Variants in MYO5A observed in about 807,000 individuals in gnomAD.
The protein encoded by MYO5A is unconventional myosin-Va.
MYO5A carries 98 observed loss-of-function variants against 249.7 expected under a neutral mutation model. The ratio of observed to expected loss-of-function variants is 0.39; its 90% CI spans 0.33 to 0.46. The LOEUF (loss-of-function observed/expected upper bound fraction) is 0.46. Among genes scored for constraint, MYO5A ranks in the 20% least tolerant of loss-of-function variants. The probability of loss-of-function intolerance (pLI) is 0.98; values close to 1 mark genes in which losing one functional copy is unlikely to be tolerated. For missense variants in MYO5A, 1,696 were observed against 2,308.8 expected, an observed-to-expected ratio of 0.73 and a Z score of 5.44; for synonymous variants, 778 against 810.6, an observed-to-expected ratio of 0.96 and a Z score of 0.68.
intron 1 of MYO5A, among the ~76,000 whole-genome samples, chr15:52,477,996 C>A (rs1439191476): frequency 6.6e-6 from 1 of 152,236 alleles, no homozygotes; most frequent in Non-Finnish European, 1.5e-5. Context: ...TTCAGCTATG[C>A]CCTGCCCCCA....
chr15:52,457,394 C>G (rs539964500), intron 1 of MYO5A, among the ~76,000 whole-genome samples: 1 of 143,028 alleles, frequency 7.0e-6, no homozygotes, highest in Admixed American at 7.4e-5. Context: ...CTGCACCAGC[C>G]TAAGTGACAG....
intron 1 of MYO5A, among the ~76,000 whole-genome samples, chr15:52,466,770 G>A (rs2076362506): frequency 6.6e-6 from 1 of 152,188 alleles, no homozygotes; most frequent in Non-Finnish European, 1.5e-5. Context: ...AAGATAGGGT[G>A]CAGGATCCAG....
chr15:52,342,619 AAAG>A (rs915776701), intron 31 of MYO5A, among the ~76,000 whole-genome samples: 1 of 152,188 alleles, frequency 6.6e-6, no homozygotes, highest in African/African-American at 2.4e-5. Flanking sequence ...GAAGGTTTTT[AAAG>A]AAGGTGTTTG....
chr15:52,399,151 T>A lies in MYO5A; in HGVS notation c.1054-1685A>T, dbSNP rs79569567. 9.5e-4 allele frequency among the ~76,000 whole-genome samples: 144 copies of A among 152,336 alleles called. 2 individuals are homozygous for A. The East Asian group carries it at 0.021, about 22-fold the overall frequency. ...AGCTTTACTCATTTTGGACTTCACC[T>A]ATCAATAATTAAGAGAAGTCAATAA... On this transcript the variant is annotated intron_variant, in intron 9 of 41. Transcript: ENST00000399233.
intron 36 of MYO5A, among the ~76,000 whole-genome samples, chr15:52,325,125 C>T (rs193155217): frequency 1.3e-4 from 20 of 152,288 alleles, no homozygotes; most frequent in African/African-American, 4.8e-4. Flanking sequence ...AGTGGATGCT[C>T]TGGGCTAAGC....
intron 32 of MYO5A, among the ~76,000 whole-genome samples, chr15:52,338,348 C>T (rs544646571): frequency 1.9e-3 from 286 of 151,634 alleles, no homozygotes; most frequent in Admixed American, 4.0e-3. Context: ...AGCTGTGCAT[C>T]TTCCTTCGCT....
At chr15:52,462,219 T>C (rs964134754) in intron 1 of MYO5A, among the ~76,000 whole-genome samples, 6 of 151,098 alleles carry the variant, frequency 4.0e-5, no homozygotes, top group Admixed American at 1.3e-4. Context: ...TGAGCCGAGA[T>C]TGTGCCACTG....
At chr15:52,489,290 C>T (rs1391293923) in intron 1 of MYO5A, among the ~76,000 whole-genome samples, 1 of 152,158 alleles carries the variant, frequency 6.6e-6, no homozygotes, top group Non-Finnish European at 1.5e-5. Flanking sequence ...ATCGGCTGGG[C>T]GCGGTGGCTC....
chr15:52,500,198 T>A (rs1267979602), intron 1 of MYO5A, among the ~76,000 whole-genome samples: 3 of 152,196 alleles, frequency 2.0e-5, no homozygotes, highest in Non-Finnish European at 4.4e-5. Flanking sequence ...TGTTTTTGTT[T>A]TGTGTGATAA....
chr15:52,371,991 G>A, intron 21 of MYO5A, 133 bp downstream of exon 21: 1 of 1,321,812 alleles, frequency 7.6e-7, no homozygotes, highest in Non-Finnish European at 1.1e-6. Flanking sequence ...TGCCCATTAT[G>A]GAAATAAATA....
intron 1 of MYO5A, among the ~76,000 whole-genome samples, chr15:52,498,323 T>C (rs1208136512): frequency 6.6e-6 from 1 of 152,198 alleles, no homozygotes; most frequent in Non-Finnish European, 1.5e-5. Context: ...GCTTATTTCC[T>C]GAAAATAAAT....
At chr15:52,316,901 C>A in intron 40 of MYO5A, 147 bp downstream of exon 40, 2 of 820,176 alleles carry the variant, frequency 2.4e-6, no homozygotes, top group East Asian at 5.1e-5. Context: ...AATCTCCTTG[C>A]TTTAAGATTG....
intron 16 of MYO5A, among the ~76,000 whole-genome samples, chr15:52,382,718 T>C (rs2041807877): frequency 6.6e-6 from 1 of 152,166 alleles, no homozygotes; most frequent in Admixed American, 6.6e-5. Context: ...ATTTCAGCAG[T>C]GGAGAAGCAG....
chr15:52,376,674 G>T, intron 18 of MYO5A, 116 bp from the exon 19 acceptor site: 1 of 978,146 alleles, frequency 1.0e-6, no homozygotes, highest in Non-Finnish European at 1.5e-6. Context: ...TAAAACTTGG[G>T]CTACATCACA....
At chr15:52,355,842 A>G (rs969526020) in intron 25 of MYO5A, among the ~76,000 whole-genome samples, 2 of 152,204 alleles carry the variant, frequency 1.3e-5, no homozygotes, top group East Asian at 3.8e-4. Flanking sequence ...CCTGGAACCA[A>G]TCCCCTGTGG....
intron 1 of MYO5A, among the ~76,000 whole-genome samples, chr15:52,519,562 T>C (rs1485166419): frequency 6.6e-6 from 1 of 151,746 alleles, no homozygotes; most frequent in East Asian, 1.9e-4. Context: ...CAGTGAGCTA[T>C]GCTTGCGCTA....
chr15:52,507,130 G>C (rs1205905398), intron 1 of MYO5A, among the ~76,000 whole-genome samples: 1 of 152,156 alleles, frequency 6.6e-6, no homozygotes, highest in African/African-American at 2.4e-5. Flanking sequence ...AGGGAAGTTA[G>C]AAAAAGGCAT....
chr15:52,323,900 A>G (rs1303925621), intron 36 of MYO5A: 1 of 211,282 alleles, frequency 4.7e-6, no homozygotes. Context: ...GCAACTTGGG[A>G]TGCTGAGGTA....
chr15:52,367,004 G>A (rs765850074), intron 23 of MYO5A, 27 bp downstream of exon 23: 9 of 1,560,204 alleles, frequency 5.8e-6, no homozygotes, highest in Non-Finnish European at 8.0e-6. Flanking sequence ...GAGGTTGGTT[G>A]GCGTGTAGTA....
Sources: gnomAD v4.1 joint callset for allele counts (sites outside exome capture counted in the v4.1 genomes callset) on GRCh38, gnomAD v4.1.1 for gene constraint, MANE v1.5 for transcripts, NCBI Gene and HGNC (gene_info 2026-07-23, HGNC 2026-07-21) for gene names.